Variants in PCDHGA7 observed in about 807,000 individuals in gnomAD.
PCDHGA7 encodes protocadherin gamma subfamily A, 7, also known as protocadherin gamma-A7.
In PCDHGA7, 44 loss-of-function variants were observed where a neutral mutation model predicts 58.3. That is an observed-to-expected ratio of 0.75 (90% CI 0.59 to 0.97). The LOEUF is 0.97. PCDHGA7 is among the 50% of genes least tolerant of loss of function. PCDHGA7 has a pLI of 0.00. For missense variants in PCDHGA7, 1,266 were observed against 1,188.7 expected, an observed-to-expected ratio of 1.06 and a Z score of -0.96; for synonymous variants, 516 against 504.2, an observed-to-expected ratio of 1.02 and a Z score of -0.31.
rs752954707 is a variant in PCDHGA7 at position 141,476,801 on chromosome 5, C to T, written c.2425-18006C>T. The T allele has an allele frequency of 6.2e-7, 1 of 1,613,586 alleles. No individual in the cohort carries two copies. Among genetic ancestry groups the T allele is most frequent in the Non-Finnish European group, 8.5e-7 (1 of 1,180,020 alleles). On this transcript the variant is annotated intron_variant, in intron 1 of 3. Coordinates refer to ENST00000518325, the MANE Select transcript of PCDHGA7 (RefSeq NM_018920.4). This position sits in a 1 kb window ranked among gnomAD's most constrained non-coding sequence, Gnocchi z 7.6. Reference sequence around the variant, plus strand: ...GACCCCAGCTCTCTCCGCCAGCCTGCCTATTCACATCAAGGTGCTGGACGC... The same window carrying T: ...GACCCCAGCTCTCTCCGCCAGCCTGTCTATTCACATCAAGGTGCTGGACGC...
chr5:141,454,796 A>ATTTTTTTTTTTTTT lies in PCDHGA7; in HGVS notation c.2425-39995_2425-39982dup, dbSNP rs61612330. ...AAGGAAATAATCCTCCATGGTTCTA[A>ATTTTTTTTTTTTTT]TTTTTTTTTTTTTTTTTTTTTTTTT... On this transcript the variant is annotated intron_variant, in intron 1 of 3. Coordinates refer to ENST00000518325, the MANE Select transcript of PCDHGA7 (RefSeq NM_018920.4). 1.1e-3 allele frequency among the ~76,000 whole-genome samples: 87 copies of ATTTTTTTTTTTTTT among 77,456 alleles called. 11 individuals carry two copies. The highest frequency in any genetic ancestry group is 1.4e-3 in the Admixed American group (8 of 5,554). The allele number at this position is 77,456 out of a possible 152,430, so 50.8% of individuals were successfully genotyped here.
chr5:141,409,736 G>C (rs1053484390), intron 1 of PCDHGA7: 9 of 1,612,992 alleles, frequency 5.6e-6, no homozygotes, highest in South Asian at 2.2e-5. Context: ...CGCGCAGAGC[G>C]GGGTGGTGTT....
At chr5:141,460,488 T>C (rs1226287742) in intron 1 of PCDHGA7, among the ~76,000 whole-genome samples, 1 of 152,186 alleles carries the variant, frequency 6.6e-6, no homozygotes, top group Admixed American at 6.6e-5. Flanking sequence ...ATTGTCTCTT[T>C]GGAAAAATAT....
At chr5:141,414,957 G>A in intron 1 of PCDHGA7, 7 of 1,614,018 alleles carry the variant, frequency 4.3e-6, no homozygotes, top group Non-Finnish European at 3.4e-6. Flanking sequence ...TGGTGACCAA[G>A]GTGGTGGCGG....
At chr5:141,398,071 G>C in intron 1 of PCDHGA7, 1 of 1,587,000 alleles carries the variant, frequency 6.3e-7, no homozygotes, top group South Asian at 1.1e-5. Context: ...ACAATACAGA[G>C]GTTATTTGTA....
intron 1 of PCDHGA7, among the ~76,000 whole-genome samples, chr5:141,401,128 G>C (rs1271194736): frequency 6.6e-6 from 1 of 152,166 alleles, no homozygotes; most frequent in African/African-American, 2.4e-5. Context: ...TGGATCACAT[G>C]GTCAGGAGTT....
chr5:141,394,178 C>T (rs1180220826), intron 1 of PCDHGA7: 2 of 1,613,812 alleles, frequency 1.2e-6, no homozygotes, highest in South Asian at 2.2e-5. Flanking sequence ...TCCCTCATGC[C>T]TCCTACTCAG....
At chr5:141,389,424 G>C (rs746873845) in intron 1 of PCDHGA7, 1 of 1,613,390 alleles carries the variant, frequency 6.2e-7, no homozygotes, top group African/African-American at 1.3e-5. Flanking sequence ...GGTGGTGTTC[G>C]CGCAGCGCGC....
chr5:141,405,568 T>C, intron 1 of PCDHGA7: 1 of 606,666 alleles, frequency 1.6e-6, no homozygotes, highest in South Asian at 2.1e-5. Context: ...GGGACTAGAG[T>C]AGAGTAGCTG....
At chr5:141,443,952 A>T (rs1355073040) in intron 1 of PCDHGA7, among the ~76,000 whole-genome samples, 4 of 152,134 alleles carry the variant, frequency 2.6e-5, no homozygotes, top group Non-Finnish European at 4.4e-5. Context: ...CCTTATTGGT[A>T]TGTATTCTGT....
rs532517723 is a variant in PCDHGA7, at chr5:141,486,244, A to G, written c.2425-8563A>G. The G allele has an allele frequency of 1.2e-5, 19 of 1,614,068 alleles. No homozygotes were observed. The Admixed American group carries it at 2.3e-4, about 20-fold the overall frequency. On this transcript the variant is annotated intron_variant, in intron 1 of 3. Coordinates refer to ENST00000518325, the MANE Select transcript of PCDHGA7 (RefSeq NM_018920.4). This position sits in a 1 kb window ranked among gnomAD's most constrained non-coding sequence, Gnocchi z 5.0. ...ACATCACAGTGACCTCAGAGCTTGGAACCCTCCCCGAGAGTGCAGAACCTG... is the reference window on the plus strand; with the variant it reads ...ACATCACAGTGACCTCAGAGCTTGGGACCCTCCCCGAGAGTGCAGAACCTG...
At chr5:141,501,288 TATACAC>T (rs201660636) in intron 2 of PCDHGA7, among the ~76,000 whole-genome samples, 3 of 81,324 alleles carry the variant, frequency 3.7e-5, no homozygotes, top group African/African-American at 1.5e-4. Flanking sequence ...GATATTCCCT[TATACAC>T]ACACACACAC....
chr5:141,419,604 C>T (rs1279434352), intron 1 of PCDHGA7: 1 of 1,611,850 alleles, frequency 6.2e-7, no homozygotes, highest in East Asian at 2.2e-5. Flanking sequence ...CCGCGGGCCG[C>T]GCAGCCAGGC....
chr5:141,389,424 G>A lies in PCDHGA7; in HGVS notation c.2424+4101G>A, dbSNP rs746873845. 51 of 1,613,390 alleles carry A rather than the reference G, an allele frequency of 3.2e-5. No homozygotes were observed. Among genetic ancestry groups the A allele is most frequent in the East Asian group, 8.9e-5 (4 of 44,896 alleles). The stretch of plus-strand genomic sequence containing the variant: ...AAGCGCGGAGAGCGGGGTGGTGTTC[G>A]CGCAGCGCGCCTTCGACCACGAGCA... On this transcript the variant is annotated intron_variant, in intron 1 of 3. Transcript: ENST00000518325.
At chr5:141,417,706 A>T in intron 1 of PCDHGA7, 1 of 1,214,910 alleles carries the variant, frequency 8.2e-7, no homozygotes, top group Non-Finnish European at 1.1e-6. Flanking sequence ...TCCCACACAG[A>T]GGCTCCCGGC....
intron 1 of PCDHGA7, chr5:141,393,975 G>C (rs2092889131): frequency 6.2e-7 from 1 of 1,613,680 alleles, no homozygotes; most frequent in Admixed American, 1.7e-5. Context: ...TTACACACGT[G>C]ATAATTTACC....
intron 1 of PCDHGA7, chr5:141,419,739 G>T: frequency 6.2e-7 from 1 of 1,613,770 alleles, no homozygotes; most frequent in South Asian, 1.1e-5. Context: ...GGCGAGGTGC[G>T]CATGGTGCGT....
intron 1 of PCDHGA7, chr5:141,393,821 G>A: frequency 6.2e-7 from 1 of 1,613,734 alleles, no homozygotes; most frequent in South Asian, 1.1e-5. Context: ...TGCTCATTTC[G>A]GTGGAAGATG....
intron 1 of PCDHGA7, chr5:141,410,724 C>G: frequency 7.2e-7 from 1 of 1,385,884 alleles, no homozygotes; most frequent in Non-Finnish European, 9.6e-7. Flanking sequence ...TGTTTAAAAT[C>G]CATAGCTTTT....
Sources: allele counts gnomAD v4.1 joint callset (sites outside exome capture counted in the v4.1 genomes callset), GRCh38; gene constraint gnomAD v4.1.1; non-coding constraint Gnocchi (gnomAD v3.1); transcripts MANE v1.5; gene names NCBI Gene and HGNC (gene_info 2026-07-23, HGNC 2026-07-21).